NCK2: variants seen among roughly 807,000 people sequenced by gnomAD.
NCK2 encodes NCK adaptor protein 2.
NCK2 carries 16 observed loss-of-function variants against 33.9 expected under a neutral mutation model. The ratio of observed to expected loss-of-function variants is 0.47; its 90% confidence interval spans 0.32 to 0.72. The LOEUF (loss-of-function observed/expected upper bound fraction) is 0.72, where lower values mean the gene tolerates loss of function less well. Ranked by LOEUF, NCK2 falls within the 30% of genes least tolerant of loss-of-function variation. The pLI is 0.03. For synonymous variants in NCK2, 273 were observed against 239.9 expected (o/e 1.14, Z -1.27); for missense variants, 418 against 537.3 (o/e 0.78, Z 2.19).
chr2:105,886,710 G>T (rs1678734704), intron 4 of NCK2, among the ~76,000 whole-genome samples: 1 of 152,128 alleles, frequency 6.6e-6, no homozygotes, highest in African/African-American at 2.4e-5. Flanking sequence ...GAATAACAAG[G>T]ACAATATTCT....
intron 3 of NCK2, among the ~76,000 whole-genome samples, chr2:105,878,456 G>A (rs1413991307): frequency 6.6e-6 from 1 of 152,172 alleles, no homozygotes; most frequent in Non-Finnish European, 1.5e-5. Context: ...AAAGGAGATT[G>A]GAACACAGAC....
chr2:105,748,717 C>T (rs1396784795), intron 1 of NCK2, among the ~76,000 whole-genome samples: 3 of 152,104 alleles, frequency 2.0e-5, no homozygotes, highest in Non-Finnish European at 1.5e-5. Flanking sequence ...CATACCCTGC[C>T]CTATGGTTTT....
chr2:105,780,354 A>AAT (rs1690450796), intron 1 of NCK2, among the ~76,000 whole-genome samples: 1 of 149,884 alleles, frequency 6.7e-6, no homozygotes, highest in Non-Finnish European at 1.5e-5. Flanking sequence ...ACACACACAC[A>AAT]CACACACACA....
intron 4 of NCK2, among the ~76,000 whole-genome samples, chr2:105,889,063 C>T (rs1351545636): frequency 3.3e-5 from 5 of 152,222 alleles, no homozygotes; most frequent in Non-Finnish European, 5.9e-5. Flanking sequence ...CGTGGAAGGA[C>T]TGCAACAGAT....
At chr2:105,846,874 T>G (rs1676874655) in intron 2 of NCK2, 1 of 152,238 alleles carries the variant, frequency 6.6e-6, no homozygotes. Context: ...TGCATACTCA[T>G]GTTCATAGCA....
intron 3 of NCK2, among the ~76,000 whole-genome samples, chr2:105,871,176 G>A (rs1677983667): frequency 6.6e-6 from 1 of 152,006 alleles, no homozygotes; most frequent in Non-Finnish European, 1.5e-5. Flanking sequence ...TCCATGCCCA[G>A]ATCTGAGGCC....
At chr2:105,831,774 G>A (rs1486023723) in intron 2 of NCK2, among the ~76,000 whole-genome samples, 2 of 151,978 alleles carry the variant, frequency 1.3e-5, no homozygotes, top group Admixed American at 1.3e-4. Flanking sequence ...ATGCCAATAC[G>A]ATGCTGTTTT....
At chr2:105,892,170 G>A (rs1410243996) in intron 4 of NCK2, among the ~76,000 whole-genome samples, 1 of 151,018 alleles carries the variant, frequency 6.6e-6, no homozygotes, top group Non-Finnish European at 1.5e-5. Context: ...GGCAACAAAA[G>A]CAAAACTGCG....
intron 1 of NCK2, among the ~76,000 whole-genome samples, chr2:105,792,255 T>G (rs1331145285): frequency 6.6e-6 from 1 of 152,214 alleles, no homozygotes; most frequent in Non-Finnish European, 1.5e-5. Flanking sequence ...CTTGACATTC[T>G]TTGTAAGATG....
At chr2:105,795,702 C>T (rs898368588) in intron 1 of NCK2, among the ~76,000 whole-genome samples, 3 of 152,134 alleles carry the variant, frequency 2.0e-5, no homozygotes, top group Admixed American at 6.5e-5. Flanking sequence ...CATCCTACAA[C>T]GCAGGGGACA....
chr2:105,881,740 G>A lies in NCK2; in HGVS notation c.639G>A (p.Glu213=), dbSNP rs769563409. The A allele has an allele frequency of 6.2e-7, 1 of 1,614,262 alleles. No homozygotes were observed. The highest frequency in any genetic ancestry group is 1.7e-5 in the Admixed American group (1 of 60,036). The stretch of plus-strand genomic sequence containing the variant: ...CCTTCAGCTCAGTCACCGAGGAGGA[G>A]CTCAACTTCGAGAAGGGGGAGACCA... ...LYPFSSVTEE[E]LNFEKGETME... The change falls in exon 4 of 5, where the codon GAG becomes GAA. Residue 213 remains glutamate (E), a synonymous_variant. Coordinates refer to ENST00000233154, the MANE Select transcript of NCK2 (RefSeq NM_003581.5).
chr2:105,820,669 C>T (rs1400464332), intron 2 of NCK2, among the ~76,000 whole-genome samples: 1 of 152,180 alleles, frequency 6.6e-6, no homozygotes, highest in African/African-American at 2.4e-5. Context: ...TTAATTCTTC[C>T]CGTGTGTACT....
At chr2:105,807,631 C>A (rs915844554) in intron 1 of NCK2, among the ~76,000 whole-genome samples, 4 of 152,006 alleles carry the variant, frequency 2.6e-5, no homozygotes, top group Admixed American at 1.3e-4. Context: ...GCCCTTGAGC[C>A]CCTGCGGAGG....
intron 3 of NCK2, among the ~76,000 whole-genome samples, chr2:105,874,839 T>G (rs912919593): frequency 6.6e-6 from 1 of 152,230 alleles, no homozygotes; most frequent in Non-Finnish European, 1.5e-5. Flanking sequence ...GTCTGTAATT[T>G]TATTCAGGAA....
intron 1 of NCK2, among the ~76,000 whole-genome samples, chr2:105,768,768 C>G (rs1690030139): frequency 6.6e-6 from 1 of 152,074 alleles, no homozygotes; most frequent in South Asian, 2.1e-4. Flanking sequence ...CCCAGGGAAG[C>G]CAAAAGATTG....
At chr2:105,807,245 G>T (rs553743017) in intron 1 of NCK2, among the ~76,000 whole-genome samples, 4 of 152,306 alleles carry the variant, frequency 2.6e-5, no homozygotes, top group South Asian at 2.1e-4. Context: ...GGGAAGGGCC[G>T]CCCTCGCAGA....
At chr2:105,865,370 C>T (rs1422546607) in intron 3 of NCK2, among the ~76,000 whole-genome samples, 5 of 152,172 alleles carry the variant, frequency 3.3e-5, no homozygotes, top group Admixed American at 2.6e-4. Context: ...ACACACAGTA[C>T]GTGCTGGGAC....
chr2:105,821,256 G>C (rs953048641), intron 2 of NCK2, among the ~76,000 whole-genome samples: 1 of 152,116 alleles, frequency 6.6e-6, no homozygotes, highest in Non-Finnish European at 1.5e-5. Context: ...GCCCCCAACA[G>C]GTTATTTAGA....
intron 1 of NCK2, among the ~76,000 whole-genome samples, chr2:105,804,494 G>C (rs1000884222): frequency 5.9e-5 from 9 of 152,196 alleles, no homozygotes; most frequent in African/African-American, 2.2e-4. Flanking sequence ...TCCACTTTGA[G>C]CTCAGCAGGA....
Sources: allele counts gnomAD v4.1 joint callset (sites outside exome capture counted in the v4.1 genomes callset), GRCh38; gene constraint gnomAD v4.1.1; transcripts MANE v1.5; gene names NCBI Gene and HGNC (gene_info 2026-07-23, HGNC 2026-07-21).